CABIN1: variants seen among roughly 807,000 people sequenced by gnomAD.
The protein encoded by CABIN1 is calcineurin-binding protein cabin-1.
Under a neutral mutation model 227.7 loss-of-function variants are expected in CABIN1, and 133 were observed. The observed-to-expected ratio is 0.58, with a 90% CI of 0.51 to 0.67. The LOEUF is 0.67. Ranked by LOEUF, CABIN1 falls within the 30% of genes least tolerant of loss-of-function variation. The pLI is 0.00. For synonymous variants in CABIN1, 1,086 were observed against 1,155.1 expected (o/e 0.94, Z 1.21); for missense variants, 2,408 against 2,852.5 (o/e 0.84, Z 3.55).
rs17004823 is a variant in CABIN1 at position 24,050,841 on chromosome 22, G to A, written c.673G>A (p.Asp225Asn). The A allele has an allele frequency of 0.022, 35,690 of 1,614,074 alleles. 713 individuals are homozygous for A. The highest frequency in any genetic ancestry group is 0.1 in the African/African-American group (7,503 of 74,986). ...TGCTTTTAGTGACATGTCGATTCAC[G>A]ATGTTTCGGTGAGTGCAGCTGAGAC... ...MFLKCDMSIH[D>N]VSVSAAETQA... Residue 225 changes from aspartate (D) to asparagine (N), a missense_variant, in exon 8 of 37, where the codon GAT becomes AAT. Asp to Asn is a conservative substitution (Grantham distance 23). Coordinates refer to ENST00000263119, the MANE Select transcript of CABIN1 (RefSeq NM_012295.4).
chr22:24,033,033 G>A (rs1019733068), intron 1 of CABIN1, among the ~76,000 whole-genome samples: 2 of 152,286 alleles, frequency 1.3e-5, no homozygotes, highest in South Asian at 2.1e-4. Flanking sequence ...AGCCGAGATC[G>A]CGCCACTGCA....
At position 24,064,126 on chromosome 22, in the gene CABIN1, G is replaced by T. The variant is rs200579275; in HGVS notation, c.1976G>T (p.Arg659Leu). ...ATCCAGGTGGAGGCAGGGGCTGAAC[G>T]AAGAGACATTGTCATCCGGCTGCCC... ...TAIQVEAGAE[R>L]RDIVIRLPNL... The change falls in exon 15 of 37, where the codon CGA becomes CTA. Residue 659 changes from arginine to leucine, a missense_variant. Arg to Leu is a moderately radical substitution (Grantham distance 102, BLOSUM62 -2). Transcript: ENST00000263119. 3 of 1,614,116 alleles carry T rather than the reference G, an allele frequency of 1.9e-6. No homozygotes were observed. The highest frequency in any genetic ancestry group is 2.5e-6 in the Non-Finnish European group (3 of 1,180,046).
chr22:24,168,423 G>A lies in CABIN1; in HGVS notation c.5683-24G>A, dbSNP rs201898107. 403 of 1,561,034 alleles carry A rather than the reference G, an allele frequency of 2.6e-4. No homozygotes were observed. The East Asian group carries it at 9.1e-3, about 35-fold the overall frequency. On this transcript the variant is annotated intron_variant, in intron 32 of 36. Coordinates refer to ENST00000263119, the MANE Select transcript of CABIN1 (RefSeq NM_012295.4). The stretch of plus-strand genomic sequence containing the variant: ...CTAACCACAATGGCCTGCGCCCCCT[G>A]ACTTCCAGCATCTCCCTGTTAAGGT...
intron 29 of CABIN1, among the ~76,000 whole-genome samples, chr22:24,136,726 C>T (rs2044439554): frequency 7.0e-6 from 1 of 142,988 alleles, no homozygotes; most frequent in Non-Finnish European, 1.5e-5. Context: ...AACAATACAT[C>T]ACACACACAC....
chr22:24,058,028 C>T (rs1030959873), intron 10 of CABIN1, among the ~76,000 whole-genome samples: 1 of 152,060 alleles, frequency 6.6e-6, no homozygotes, highest in African/African-American at 2.4e-5. Context: ...AGTGTCTGCT[C>T]CTTTGTTGTT....
At chr22:24,120,195 TGGG>T (rs1226656311) in intron 28 of CABIN1, among the ~76,000 whole-genome samples, 1 of 152,216 alleles carries the variant, frequency 6.6e-6, no homozygotes, top group Non-Finnish European at 1.5e-5. Context: ...ACCCTGCCCC[TGGG>T]CTCTTGTCGC....
At chr22:24,073,467 GTTAACA>G (rs2040232164) in intron 18 of CABIN1, among the ~76,000 whole-genome samples, 1 of 152,160 alleles carries the variant, frequency 6.6e-6, no homozygotes, top group Non-Finnish European at 1.5e-5. Flanking sequence ...GAAAACCAGA[GTTAACA>G]TGTGGTTTTT....
intron 29 of CABIN1, among the ~76,000 whole-genome samples, chr22:24,153,328 G>T (rs1271204552): frequency 1.3e-5 from 2 of 152,204 alleles, no homozygotes; most frequent in Non-Finnish European, 2.9e-5. Context: ...CCCTGAGGTG[G>T]GTAAGCAGTT....
At chr22:24,057,672 A>C (rs1376148303) in intron 10 of CABIN1, among the ~76,000 whole-genome samples, 2 of 152,212 alleles carry the variant, frequency 1.3e-5, no homozygotes, top group Admixed American at 1.3e-4. Context: ...GTGGTTTGTA[A>C]ATTTATTTTA....
At chr22:24,161,673 C>T (rs2046162574) in intron 29 of CABIN1, among the ~76,000 whole-genome samples, 1 of 152,208 alleles carries the variant, frequency 6.6e-6, no homozygotes, top group South Asian at 2.1e-4. Context: ...CTATGCCCTT[C>T]TTTTCTGGCC....
intron 34 of CABIN1, among the ~76,000 whole-genome samples, chr22:24,172,597 G>A (rs2046881256): frequency 6.6e-6 from 1 of 152,236 alleles, no homozygotes; most frequent in Non-Finnish European, 1.5e-5. Context: ...GGACAAAGGT[G>A]CGGGCAGTAG....
In CABIN1 at chr22:24,056,354, C is replaced by T; in HGVS notation, c.1256C>T (p.Pro419Leu). The part of the protein sequence containing the change: ...DFQELLMKFL[P>L]SRLRKLDPEE... ...CAGGAGCTTCTGATGAAGTTCTTGC[C>T]GTCCAGGTACTGTGTATTTTTTCTG... Residue 419 changes from proline to leucine, a missense_variant, in exon 10 of 37, where the codon CCG (proline) becomes CTG (leucine). Physicochemically the swap from Pro to Leu is moderately conservative, Grantham distance 98. Around this residue, in one of 3 missense-constraint regions of CABIN1, gnomAD observed 1,045 missense variants for 1,168.4 expected, o/e 0.89. Transcript: ENST00000263119. 4.3e-6 allele frequency: 7 copies of T among 1,613,786 alleles called. No individual in the cohort carries two copies. Among genetic ancestry groups the T allele is most frequent in the Non-Finnish European group, 5.9e-6 (7 of 1,179,780 alleles).
intron 1 of CABIN1, among the ~76,000 whole-genome samples, chr22:24,024,831 T>C (rs2035970426): frequency 6.6e-6 from 1 of 152,220 alleles, no homozygotes; most frequent in South Asian, 2.1e-4. Flanking sequence ...GTCTTCAGAA[T>C]TTTTGTTTGA....
Position 24,120,551 on chromosome 22 carries a change from G to A in CABIN1, c.4632+853G>A, listed in dbSNP as rs144874651. On this transcript the variant is annotated intron_variant, in intron 28 of 36. Transcript: ENST00000263119. ...AAAAACATACAGATGGCCAGGCGTG[G>A]TGGCTCACGCCTGTAATCCCAGCAC... Among the ~76,000 whole-genome samples the A allele has an allele frequency of 2.3e-3, 346 of 152,298 alleles. 3 individuals carry two copies. Among genetic ancestry groups the A allele is most frequent in the East Asian group, 0.018 (95 of 5,166 alleles).
intron 1 of CABIN1, among the ~76,000 whole-genome samples, chr22:24,026,229 C>T (rs908714994): frequency 2.6e-5 from 4 of 152,186 alleles, no homozygotes; most frequent in East Asian, 3.8e-4. Context: ...CTGTGTTGGC[C>T]TCCCAAAGTA....
intron 34 of CABIN1, among the ~76,000 whole-genome samples, chr22:24,175,475 G>A (rs1236752020): frequency 5.9e-5 from 9 of 152,254 alleles, no homozygotes; most frequent in Non-Finnish European, 1.5e-5. Flanking sequence ...CCAGACCTGA[G>A]TGAGAAGGTG....
At position 24,121,568 on chromosome 22, in the gene CABIN1, A is replaced by T. The variant is rs176162; in HGVS notation, c.4632+1870A>T. Among the ~76,000 whole-genome samples the T allele has an allele frequency of 2.0e-5, 3 of 152,140 alleles. No individual in the cohort carries two copies. The East Asian group carries it at 5.8e-4, about 29-fold the overall frequency. ...TACCTCTGTATCCCAGGCCTTCTGC[A>T]CCCAGGTGGACCTGGGTCTTAATAA... On this transcript the variant is annotated intron_variant, in intron 28 of 36. Transcript: ENST00000263119.
intron 1 of CABIN1, among the ~76,000 whole-genome samples, chr22:24,014,202 T>C (rs1329334884): frequency 6.6e-6 from 1 of 152,232 alleles, no homozygotes; most frequent in Non-Finnish European, 1.5e-5. Context: ...TCTTTCCTTC[T>C]ACATTATTAA....
rs2042045249 is a variant in CABIN1, at chr22:24,098,810, T to G, written c.4117+618T>G. On this transcript the variant is annotated intron_variant, in intron 26 of 36. Coordinates refer to ENST00000263119, the MANE Select transcript of CABIN1 (RefSeq NM_012295.4). ...AGCTCGATTTCTTCATGTTCTCTCA[T>G]TTTTATAGTGATAAGCTAGTGACAA... is the stretch of plus-strand genomic sequence containing the variant. 3.3e-5 allele frequency among the ~76,000 whole-genome samples: 5 copies of G among 152,202 alleles called. No homozygotes were observed. The South Asian group carries it at 1.0e-3, about 32-fold the overall frequency.
Sources: gnomAD v4.1 joint callset for allele counts (sites outside exome capture counted in the v4.1 genomes callset) on GRCh38, gnomAD v4.1.1 for gene constraint, gnomAD v4.1.1 regional missense constraint, MANE v1.5 for transcripts, NCBI Gene and HGNC (gene_info 2026-07-23, HGNC 2026-07-21) for gene names.